Variants in PIK3CA observed in about 807,000 individuals in gnomAD.
The protein encoded by PIK3CA is phosphatidylinositol 4,5-bisphosphate 3-kinase catalytic subunit alpha isoform.
Under a neutral mutation model 138.2 loss-of-function variants are expected in PIK3CA, and 27 were observed. That is an observed-to-expected ratio of 0.20 (90% CI 0.14 to 0.27). The LOEUF is 0.27. Among genes scored for constraint, PIK3CA ranks in the 10% least tolerant of loss-of-function variants. The pLI is 1.00. For missense variants in PIK3CA, 544 were observed against 1,277.4 expected, an observed-to-expected ratio of 0.43 and a Z score of 8.75; for synonymous variants, 358 against 413.2, an observed-to-expected ratio of 0.87 and a Z score of 1.62.
In PIK3CA at chr3:179,173,578, CA is replaced by C. The variant is rs1157941292; in HGVS notation, c.-77+24985del. Among the ~76,000 whole-genome samples, 17 of 143,674 alleles carry C rather than the reference CA, an allele frequency of 1.2e-4. No homozygotes were observed. In the South Asian group the frequency reaches 1.3e-3, roughly 11 times the overall value. The allele number at this position is 143,674 out of a possible 152,430, so 94.3% of individuals were successfully genotyped here. A position where few individuals can be genotyped will look rare whatever the true frequency, so the allele number is the denominator to read the frequency against. On this transcript the variant is annotated intron_variant, in intron 1 of 20. Transcript: ENST00000263967. ...TGGGTGACAGAGGGAGACTCCATCT[CA>C]AAAAAAAAAGTGCTAGAATAACAAA...
intron 15 of PIK3CA, among the ~76,000 whole-genome samples, 188 bp downstream of exon 15, chr3:179,224,375 T>C (rs1391500402): frequency 6.6e-6 from 1 of 152,166 alleles, no homozygotes; most frequent in African/African-American, 2.4e-5. Context: ...AGAATGAGTT[T>C]TTACTACTTA....
intron 4 of PIK3CA, among the ~76,000 whole-genome samples, chr3:179,203,270 C>T (rs1372775586): frequency 6.6e-6 from 1 of 151,940 alleles, no homozygotes; most frequent in Non-Finnish European, 1.5e-5. Flanking sequence ...CTTTTTTTGC[C>T]TCCAGTTAAG....
intron 5 of PIK3CA, 100 bp downstream of exon 5, chr3:179,203,889 G>C (rs1724488454): frequency 1.2e-6 from 1 of 812,708 alleles, no homozygotes. Context: ...TATGTTTTCA[G>C]ATGGTTAGGA....
At chr3:179,153,548 G>C (rs1442873714) in intron 1 of PIK3CA, among the ~76,000 whole-genome samples, 1 of 152,112 alleles carries the variant, frequency 6.6e-6, no homozygotes, top group African/African-American at 2.4e-5. Flanking sequence ...TGTGTATAAG[G>C]TGTATGTGAA....
chr3:179,160,564 G>A (rs753323499), intron 1 of PIK3CA, among the ~76,000 whole-genome samples: 5 of 152,180 alleles, frequency 3.3e-5, no homozygotes, highest in Non-Finnish European at 7.3e-5. Flanking sequence ...CTCCAATGTG[G>A]CCTGCAGATA....
intron 1 of PIK3CA, among the ~76,000 whole-genome samples, chr3:179,168,386 C>T (rs1723470545): frequency 1.3e-5 from 2 of 152,082 alleles, no homozygotes; most frequent in South Asian, 4.1e-4. Context: ...GATAATTTTT[C>T]TTTTGCAGAT....
intron 9 of PIK3CA, 122 bp from the exon 10 acceptor site, chr3:179,218,088 A>G (rs1415082123): frequency 1.8e-5 from 16 of 870,628 alleles, no homozygotes; most frequent in Non-Finnish European, 2.4e-5. Context: ...TTATTTTACA[A>G]CAGTTAATTA....
intron 20 of PIK3CA, among the ~76,000 whole-genome samples, chr3:179,231,928 C>T (rs1426361928): frequency 6.6e-6 from 1 of 152,060 alleles, no homozygotes; most frequent in Non-Finnish European, 1.5e-5. Flanking sequence ...CAGGCTTGAG[C>T]CACTGCATCC....
chr3:179,190,279 A>T (rs1016199704), intron 1 of PIK3CA, among the ~76,000 whole-genome samples: 1 of 151,438 alleles, frequency 6.6e-6, no homozygotes, highest in Non-Finnish European at 1.5e-5. Context: ...TATAGTGCAT[A>T]AAAAAAAGTG....
At chr3:179,174,402 G>A (rs1273226722) in intron 1 of PIK3CA, among the ~76,000 whole-genome samples, 3 of 152,110 alleles carry the variant, frequency 2.0e-5, no homozygotes, top group East Asian at 1.9e-4. Flanking sequence ...CCTGGGAGGC[G>A]GAGGTTGCAG....
At chr3:179,161,397 A>C (rs1181702430) in intron 1 of PIK3CA, among the ~76,000 whole-genome samples, 1 of 152,202 alleles carries the variant, frequency 6.6e-6, no homozygotes, top group Non-Finnish European at 1.5e-5. Context: ...AGGAGAAAGA[A>C]ACATAAATAA....
intron 1 of PIK3CA, among the ~76,000 whole-genome samples, chr3:179,192,590 A>C (rs1724162075): frequency 6.6e-6 from 1 of 152,254 alleles, no homozygotes; most frequent in African/African-American, 2.4e-5. Flanking sequence ...AATACATTAC[A>C]GGGATCAGCA....
intron 1 of PIK3CA, chr3:179,149,648 C>T (rs1461374603): frequency 1.3e-5 from 2 of 152,120 alleles, no homozygotes; most frequent in Admixed American, 1.3e-4. Context: ...ACATGCAGGA[C>T]CTGGGTTTTC....
At chr3:179,200,029 A>C (rs1724372092) in intron 3 of PIK3CA, 130 bp downstream of exon 3, 3 of 560,828 alleles carry the variant, frequency 5.3e-6, no homozygotes, top group Non-Finnish European at 6.3e-6. Flanking sequence ...GACTGCTTAT[A>C]CTGACAAGAT....
chr3:179,208,973 TTA>T (rs1034577859), intron 6 of PIK3CA, among the ~76,000 whole-genome samples: 1 of 145,416 alleles, frequency 6.9e-6, no homozygotes, highest in Non-Finnish European at 1.5e-5. Flanking sequence ...ATGAGCAAAA[TTA>T]TATATATAAA....
chr3:179,204,462 T>C (rs968150040), intron 5 of PIK3CA, 41 bp from the exon 6 acceptor site: 1 of 910,748 alleles, frequency 1.1e-6, no homozygotes, highest in South Asian at 1.4e-5. Flanking sequence ...TATGTGTATG[T>C]TGAGTGTATA....
chr3:179,208,375 T>G (rs541182484), intron 6 of PIK3CA, among the ~76,000 whole-genome samples: 1 of 152,336 alleles, frequency 6.6e-6, no homozygotes, highest in East Asian at 1.9e-4. Context: ...CATATGAGCT[T>G]CTATCATGGG....
At chr3:179,176,752 C>T in intron 1 of PIK3CA, among the ~76,000 whole-genome samples, 1 of 152,104 alleles carries the variant, frequency 6.6e-6, no homozygotes, top group East Asian at 1.9e-4. Flanking sequence ...CTAGTTTTTG[C>T]TTTCATGAAT....
At chr3:179,196,720 G>A (rs997009064) in intron 1 of PIK3CA, among the ~76,000 whole-genome samples, 33 of 152,236 alleles carry the variant, frequency 2.2e-4, no homozygotes, top group African/African-American at 7.7e-4. Flanking sequence ...CCAAGAATTG[G>A]TACAGCATAA....
Sources: allele counts gnomAD v4.1 joint callset (sites outside exome capture counted in the v4.1 genomes callset), GRCh38; gene constraint gnomAD v4.1.1; transcripts MANE v1.5; gene names NCBI Gene and HGNC (gene_info 2026-07-23, HGNC 2026-07-21).